SLC25A13: variants seen among roughly 807,000 people sequenced by gnomAD.
SLC25A13 encodes solute carrier family 25 member 13.
In SLC25A13, 70 loss-of-function variants were observed where a neutral mutation model predicts 85.5. The ratio of observed to expected loss-of-function variants is 0.82; its 90% confidence interval spans 0.68 to 1.00. The LOEUF is 1.00. SLC25A13 is among the 50% of genes least tolerant of loss of function. The pLI is 0.00. For missense variants in SLC25A13, 765 were observed against 819.8 expected (o/e 0.93, Z 0.82); for synonymous variants, 259 against 288.7 (o/e 0.90, Z 1.04).
At chr7:96,199,799 G>C (rs991119814) in intron 5 of SLC25A13, among the ~76,000 whole-genome samples, 1 of 152,068 alleles carries the variant, frequency 6.6e-6, no homozygotes, top group Non-Finnish European at 1.5e-5. Context: ...AAAATTGCTA[G>C]TTGTACAGAA....
At chr7:96,282,136 A>C (rs1430379874) in intron 2 of SLC25A13, among the ~76,000 whole-genome samples, 1 of 152,204 alleles carries the variant, frequency 6.6e-6, no homozygotes, top group Non-Finnish European at 1.5e-5. Context: ...GATTAAACAT[A>C]CACCTGCAAA....
intron 4 of SLC25A13, among the ~76,000 whole-genome samples, chr7:96,215,538 A>G (rs1213382136): frequency 3.3e-5 from 5 of 152,200 alleles, no homozygotes; most frequent in Admixed American, 3.3e-4. Flanking sequence ...TTTCCAACAA[A>G]GGTAACAGAC....
intron 3 of SLC25A13, among the ~76,000 whole-genome samples, chr7:96,248,576 G>A (rs1210945833): frequency 6.6e-6 from 1 of 152,116 alleles, no homozygotes; most frequent in Non-Finnish European, 1.5e-5. Flanking sequence ...CTTGGACTTA[G>A]GTACCATGCT....
intron 4 of SLC25A13, among the ~76,000 whole-genome samples, chr7:96,216,164 A>C (rs1795893799): frequency 3.3e-5 from 5 of 152,018 alleles, no homozygotes; most frequent in Admixed American, 3.3e-4. Flanking sequence ...AAAAGAAAAA[A>C]AAAAAAGAAA....
intron 6 of SLC25A13, 148 bp downstream of exon 6, chr7:96,192,887 ACT>A (rs1263958595): frequency 7.0e-6 from 6 of 862,542 alleles, no homozygotes; most frequent in East Asian, 2.7e-5. Context: ...GCCAAAACAC[ACT>A]CTTTGTTTGA....
At chr7:96,225,560 A>C (rs991457223) in intron 4 of SLC25A13, among the ~76,000 whole-genome samples, 4 of 151,460 alleles carry the variant, frequency 2.6e-5, no homozygotes, top group African/African-American at 9.7e-5. Context: ...GAAACCAAGA[A>C]AGAAAAAAAA....
intron 5 of SLC25A13, among the ~76,000 whole-genome samples, chr7:96,203,304 C>T (rs1795330906): frequency 6.6e-6 from 1 of 152,162 alleles, no homozygotes; most frequent in Admixed American, 6.5e-5. Context: ...TTCAGAACTA[C>T]TAAATTTGAG....
intron 3 of SLC25A13, among the ~76,000 whole-genome samples, chr7:96,241,033 GAAAGGAAA>G (rs1348124858): frequency 2.7e-5 from 2 of 73,034 alleles, no homozygotes; most frequent in African/African-American, 4.9e-5. Flanking sequence ...AGAAAAGAAA[GAAAGGAAA>G]GAAAGAAAGA....
chr7:96,159,014 A>G (rs1388365909), intron 13 of SLC25A13, among the ~76,000 whole-genome samples: 2 of 152,248 alleles, frequency 1.3e-5, no homozygotes, highest in African/African-American at 4.8e-5. Context: ...GGAATAAATT[A>G]AAACACATTG....
intron 5 of SLC25A13, among the ~76,000 whole-genome samples, chr7:96,199,429 C>T (rs1795172700): frequency 6.6e-6 from 1 of 152,184 alleles, no homozygotes; most frequent in Non-Finnish European, 1.5e-5. Flanking sequence ...AACCTTGTAG[C>T]AAATCCAGAG....
chr7:96,150,175 G>A (rs1792975992), intron 13 of SLC25A13, among the ~76,000 whole-genome samples: 1 of 151,576 alleles, frequency 6.6e-6, no homozygotes, highest in African/African-American at 2.4e-5. Flanking sequence ...ATCCATCTAA[G>A]AGAGAAAGAG....
At chr7:96,192,401 G>A (rs1273347633) in intron 6 of SLC25A13, among the ~76,000 whole-genome samples, 1 of 152,196 alleles carries the variant, frequency 6.6e-6, no homozygotes. Context: ...AGGCCTAGAA[G>A]AGATCTCAGA....
At chr7:96,216,476 T>C (rs1795904019) in intron 4 of SLC25A13, among the ~76,000 whole-genome samples, 1 of 151,942 alleles carries the variant, frequency 6.6e-6, no homozygotes, top group Admixed American at 6.6e-5. Context: ...CTATTCACAA[T>C]AGCAAAGAGG....
At chr7:96,291,085 G>A (rs1178710533) in intron 2 of SLC25A13, among the ~76,000 whole-genome samples, 3 of 152,152 alleles carry the variant, frequency 2.0e-5, no homozygotes, top group Admixed American at 2.0e-4. Context: ...CTGTCTCTCA[G>A]ACCACAGTGC....
chr7:96,223,558 C>T (rs1333576176), intron 4 of SLC25A13, among the ~76,000 whole-genome samples: 7 of 152,078 alleles, frequency 4.6e-5, no homozygotes, highest in Middle Eastern at 3.2e-3. Context: ...GAGGCCGAGG[C>T]GGGTGGATTG....
At chr7:96,247,364 A>T (rs1168873126) in intron 3 of SLC25A13, among the ~76,000 whole-genome samples, 1 of 152,196 alleles carries the variant, frequency 6.6e-6, no homozygotes, top group African/African-American at 2.4e-5. Flanking sequence ...AAAAGAAAAA[A>T]AAAGTGCCCA....
chr7:96,242,311 G>T (rs953912528), intron 3 of SLC25A13, among the ~76,000 whole-genome samples: 4 of 152,146 alleles, frequency 2.6e-5, no homozygotes, highest in Non-Finnish European at 5.9e-5. Flanking sequence ...TTTATCCAAA[G>T]CTTTGGTCTC....
At chr7:96,291,794 C>T (rs184174828) in intron 2 of SLC25A13, among the ~76,000 whole-genome samples, 1 of 152,214 alleles carries the variant, frequency 6.6e-6, no homozygotes. Flanking sequence ...TAATAGCCTA[C>T]CAACCAAAAA....
chr7:96,211,306 A>C (rs141849852), intron 4 of SLC25A13, among the ~76,000 whole-genome samples: 153 of 152,166 alleles, frequency 1.0e-3, no homozygotes, highest in African/African-American at 3.6e-3. Context: ...TGATGTACTG[A>C]AATCTCCTCT....
Sources: allele counts gnomAD v4.1 joint callset (sites outside exome capture counted in the v4.1 genomes callset), GRCh38; gene constraint gnomAD v4.1.1; transcripts MANE v1.5; gene names NCBI Gene and HGNC (gene_info 2026-07-23, HGNC 2026-07-21).